The following DPF3 variants were observed in gnomAD, a reference collection of about 807,000 sequenced individuals.
DPF3 encodes the protein double PHD fingers 3.
DPF3 carries 18 observed loss-of-function variants against 56.8 expected under a neutral mutation model. The ratio of observed to expected loss-of-function variants is 0.32; its 90% CI spans 0.22 to 0.47. DPF3 has a LOEUF of 0.47. DPF3 is among the 20% of genes least tolerant of loss of function. DPF3 has a pLI of 1.00. For missense variants in DPF3, 403 were observed against 488.8 expected, an observed-to-expected ratio of 0.82 and a Z score of 1.65; for synonymous variants, 188 against 180.2, an observed-to-expected ratio of 1.04 and a Z score of -0.35.
At chr14:72,892,936 A>G (rs1345786437) in intron 1 of DPF3, among the ~76,000 whole-genome samples, 1 of 145,376 alleles carries the variant, frequency 6.9e-6, no homozygotes, top group African/African-American at 2.6e-5. Context: ...TAACAGTTCC[A>G]CTGACTGGAA....
chr14:72,703,289 G>A (rs909917860), intron 6 of DPF3, among the ~76,000 whole-genome samples: 4 of 151,992 alleles, frequency 2.6e-5, no homozygotes, highest in African/African-American at 9.7e-5. Context: ...GGGGGTAGGG[G>A]TGGGGTAAAA....
chr14:72,614,267 G>T lies in DPF3; in HGVS notation c.*5030C>A, dbSNP rs543614060. ...CAGTTAGACTCTATGGCAAGCTGGGGTTCAGGTAGGGAGATTCATAGGCCT... is the reference window on the plus strand; with the variant it reads ...CAGTTAGACTCTATGGCAAGCTGGGTTTCAGGTAGGGAGATTCATAGGCCT... On this transcript the variant is annotated 3_prime_UTR_variant, in exon 11 of 11. Transcript: ENST00000556509. 2.6e-5 allele frequency among the ~76,000 whole-genome samples: 4 copies of T among 152,326 alleles called. No homozygotes were observed. The South Asian group carries it at 8.3e-4, about 32-fold the overall frequency.
intron 8 of DPF3, among the ~76,000 whole-genome samples, chr14:72,640,519 G>A (rs1380684721): frequency 1.3e-5 from 2 of 152,144 alleles, no homozygotes; most frequent in Admixed American, 6.5e-5. Flanking sequence ...TGTAATGAGG[G>A]GCATTAGTCC....
intron 1 of DPF3, among the ~76,000 whole-genome samples, chr14:72,832,295 A>C (rs1312428375): frequency 1.3e-5 from 2 of 152,156 alleles, no homozygotes; most frequent in Non-Finnish European, 2.9e-5. Context: ...TAAGATAAAA[A>C]ATTTTTTTAA....
At chr14:72,723,584 A>C (rs1599385561) in intron 5 of DPF3, 49 bp downstream of exon 5, 4 of 1,474,540 alleles carry the variant, frequency 2.7e-6, no homozygotes, top group Non-Finnish European at 1.8e-6. Flanking sequence ...TTGGCCGGGC[A>C]CCCCAGCCTC....
In DPF3 at chr14:72,619,412, C is replaced by G. The variant is rs1396666799; in HGVS notation, c.1067-45G>C. On this transcript the variant is annotated intron_variant, in intron 10 of 10. Coordinates refer to ENST00000556509, the MANE Select transcript of DPF3 (RefSeq NM_001280542.3). ...TTTAGTAGCAGCCCCTCTGCTAACT[C>G]TGGAGCCCCACCCCACTGGCCCTAA... 1.4e-5 allele frequency: 22 copies of G among 1,526,526 alleles called. No homozygotes were observed. In the Admixed American group the frequency reaches 2.0e-4, roughly 14 times the overall value. The allele number at this position is 1,526,526 out of a possible 1,614,324, so 94.6% of individuals were successfully genotyped here.
At chr14:72,893,913 G>A (rs1886879653) in intron 1 of DPF3, 144 bp downstream of exon 1, 2 of 864,402 alleles carry the variant, frequency 2.3e-6, no homozygotes, top group African/African-American at 1.7e-5. Flanking sequence ...AGATGAAGAA[G>A]TAAGAGCTGA....
chr14:72,793,786 C>T (rs1178318814), intron 1 of DPF3, among the ~76,000 whole-genome samples: 1 of 152,214 alleles, frequency 6.6e-6, no homozygotes, highest in Non-Finnish European at 1.5e-5. Context: ...ATTGGACCTG[C>T]CCAGCAGTCC....
intron 6 of DPF3, among the ~76,000 whole-genome samples, chr14:72,710,333 T>A (rs1888599290): frequency 6.6e-6 from 1 of 152,214 alleles, no homozygotes; most frequent in Non-Finnish European, 1.5e-5. Context: ...GATAGCTGAG[T>A]TGTATATCAA....
chr14:72,671,487 G>T, intron 8 of DPF3: 5 of 1,121,566 alleles, frequency 4.5e-6, no homozygotes, highest in Non-Finnish European at 6.7e-6. Context: ...ATCACCTGGT[G>T]ACGGGGATTT....
At chr14:72,628,973 T>C (rs556036078) in intron 9 of DPF3, among the ~76,000 whole-genome samples, 5 of 152,304 alleles carry the variant, frequency 3.3e-5, no homozygotes, top group Non-Finnish European at 7.4e-5. Context: ...CAAAGACATA[T>C]CAACTAATTG....
At chr14:72,837,865 G>T (rs868335076) in intron 1 of DPF3, among the ~76,000 whole-genome samples, 10 of 152,226 alleles carry the variant, frequency 6.6e-5, no homozygotes, top group African/African-American at 2.2e-4. Flanking sequence ...TTCGTCTGCG[G>T]CCTTCATGAA....
chr14:72,831,236 C>T (rs1045988183), intron 1 of DPF3, among the ~76,000 whole-genome samples: 1 of 152,162 alleles, frequency 6.6e-6, no homozygotes, highest in African/African-American at 2.4e-5. Flanking sequence ...CCGAGCCTCT[C>T]TGTCTGCTTA....
chr14:72,649,962 C>T (rs981657540), intron 8 of DPF3, among the ~76,000 whole-genome samples: 32 of 152,314 alleles, frequency 2.1e-4, no homozygotes, highest in African/African-American at 6.5e-4. Flanking sequence ...AAAGACCCTT[C>T]CCCTGACACA....
intron 7 of DPF3, chr14:72,675,821 G>A (rs1886885003): frequency 6.6e-6 from 1 of 152,262 alleles, no homozygotes; most frequent in Non-Finnish European, 1.5e-5. Context: ...GGGGGACACA[G>A]AGGAGCTGGC....
At chr14:72,872,765 C>T (rs1272738573) in intron 1 of DPF3, among the ~76,000 whole-genome samples, 3 of 152,126 alleles carry the variant, frequency 2.0e-5, no homozygotes, top group Non-Finnish European at 4.4e-5. Context: ...AGAAATAATG[C>T]CGCATATCTA....
chr14:72,835,374 C>T (rs1376571798), intron 1 of DPF3, among the ~76,000 whole-genome samples: 1 of 152,146 alleles, frequency 6.6e-6, no homozygotes, highest in African/African-American at 2.4e-5. Flanking sequence ...GCCAGGATTT[C>T]TTTGTAGGGT....
rs369306907 is a variant in DPF3 at position 72,728,042 on chromosome 14, TCAAGCCC to T, written c.429+3758_429+3764del. ...CAGCCCAGTGCTGCATGAGAAGAAC[TCAAGCCC>T]ACCACCAGCTTTAAAGGGAAAGGGA... On this transcript the variant is annotated intron_variant, in intron 4 of 10. Transcript: ENST00000556509. Among the ~76,000 whole-genome samples, 704 of 152,200 alleles carry T rather than the reference TCAAGCCC, an allele frequency of 4.6e-3. 5 individuals carry two copies. Among genetic ancestry groups the T allele is most frequent in the African/African-American group, 0.016 (655 of 41,528 alleles).
At chr14:72,878,873 T>C (rs1281656564) in intron 1 of DPF3, among the ~76,000 whole-genome samples, 3 of 152,242 alleles carry the variant, frequency 2.0e-5, no homozygotes, top group Non-Finnish European at 4.4e-5. Context: ...CAAACCTGCA[T>C]CTGTTTCCCA....
Sources: allele counts gnomAD v4.1 joint callset (sites outside exome capture counted in the v4.1 genomes callset), GRCh38; gene constraint gnomAD v4.1.1; transcripts MANE v1.5; gene names NCBI Gene and HGNC (gene_info 2026-07-23, HGNC 2026-07-21).